Variants in ATP9A observed in about 807,000 individuals in gnomAD.
ATP9A encodes probable phospholipid-transporting ATPase IIA.
ATP9A carries 52 observed loss-of-function variants against 144.1 expected under a neutral mutation model. That is an observed-to-expected ratio of 0.36 (90% CI 0.29 to 0.45). The LOEUF is 0.45. Among genes scored for constraint, ATP9A ranks in the 20% least tolerant of loss-of-function variants. ATP9A has a pLI of 1.00. For synonymous variants in ATP9A, 582 were observed against 557.4 expected, an observed-to-expected ratio of 1.04 and a Z score of -0.62; for missense variants, 947 against 1,392.7, an observed-to-expected ratio of 0.68 and a Z score of 5.09.
rs1014272312 is a variant in ATP9A at position 51,598,244 on chromosome 20, C to G, written c.*2967G>C. 1 of 152,006 alleles carries G rather than the reference C, an allele frequency of 6.6e-6. No individual in the cohort carries two copies. Among genetic ancestry groups the G allele is most frequent in the African/African-American group, 2.4e-5 (1 of 41,386 alleles). The allele number at this position is 152,006 out of a possible 1,614,324, so 9.4% of individuals were successfully genotyped here. A position where few individuals can be genotyped will look rare whatever the true frequency, so the allele number is the denominator to read the frequency against. On this transcript the variant is annotated 3_prime_UTR_variant, in exon 28 of 28. Transcript: ENST00000338821. The stretch of plus-strand genomic sequence containing the variant: ...AAGAAACCAAATAGATCCTGCTTCC[C>G]CCTGTCACACAACCATCATCAAAAG...
At chr20:51,671,402 ACT>A in intron 11 of ATP9A, 145 bp from the exon 12 acceptor site, 1 of 867,816 alleles carries the variant, frequency 1.2e-6, no homozygotes, top group Non-Finnish European at 1.7e-6. Flanking sequence ...GAACGCACAG[ACT>A]CAGCAAGAGC....
At chr20:51,701,251 T>C (rs1460224615) in intron 4 of ATP9A, among the ~76,000 whole-genome samples, 1 of 152,198 alleles carries the variant, frequency 6.6e-6, no homozygotes, top group Non-Finnish European at 1.5e-5. Context: ...TAATTGCCTA[T>C]GTATATGTGT....
At chr20:51,709,491 C>A (rs1019538694) in intron 4 of ATP9A, among the ~76,000 whole-genome samples, 1 of 151,820 alleles carries the variant, frequency 6.6e-6, no homozygotes, top group East Asian at 1.9e-4. Flanking sequence ...TTCCAGCCTG[C>A]GCGAGGGGGT....
intron 7 of ATP9A, among the ~76,000 whole-genome samples, chr20:51,692,521 C>G (rs2077552853): frequency 6.6e-6 from 1 of 152,082 alleles, no homozygotes; most frequent in Admixed American, 6.6e-5. Context: ...TGGAGAGCCC[C>G]TGGGAGGTGG....
At position 51,601,084 on chromosome 20, in the gene ATP9A, T is replaced by G; in HGVS notation, c.*127A>C. 8.2e-7 allele frequency: 1 copy of G among 1,215,236 alleles called. No individual in the cohort carries two copies. The highest frequency in any genetic ancestry group is 1.8e-5 in the South Asian group (1 of 56,610). 75.3% of individuals were successfully genotyped at this position (1,215,236 alleles called of 1,614,324 possible). ...GACTCCGTTTAGGCGCAGAGCCACT[T>G]CCCATTAAAACTGCATGTGTTAGCA... On this transcript the variant is annotated 3_prime_UTR_variant, in exon 28 of 28. Transcript: ENST00000338821.
intron 4 of ATP9A, among the ~76,000 whole-genome samples, chr20:51,700,808 C>T (rs1452583455): frequency 6.6e-6 from 1 of 152,112 alleles, no homozygotes; most frequent in African/African-American, 2.4e-5. Flanking sequence ...CCAACCTGGG[C>T]AACAAGAGCG....
chr20:51,681,669 G>A (rs2077500342), intron 9 of ATP9A, among the ~76,000 whole-genome samples: 1 of 152,030 alleles, frequency 6.6e-6, no homozygotes, highest in Admixed American at 6.6e-5. Context: ...TGATCCACTC[G>A]CCTCAGCCTC....
intron 13 of ATP9A, among the ~76,000 whole-genome samples, chr20:51,669,065 A>C (rs565097109): frequency 1.1e-3 from 174 of 152,314 alleles, no homozygotes; most frequent in African/African-American, 3.9e-3. Flanking sequence ...TGTTATCTCC[A>C]AACAAGTGCT....
At chr20:51,638,121 A>ATATATCTATCTATCTATC (rs2077302889) in intron 15 of ATP9A, among the ~76,000 whole-genome samples, 1 of 103,004 alleles carries the variant, frequency 9.7e-6, no homozygotes, top group African/African-American at 4.1e-5. Flanking sequence ...ATATATATAT[A>ATATATCTATCTATCTATC]TATCTCATAG....
intron 1 of ATP9A, among the ~76,000 whole-genome samples, chr20:51,730,245 G>C (rs1358486555): frequency 6.6e-6 from 1 of 152,176 alleles, no homozygotes; most frequent in African/African-American, 2.4e-5. Flanking sequence ...GAGGTGGGCA[G>C]ACCACAAGGT....
intron 8 of ATP9A, among the ~76,000 whole-genome samples, chr20:51,689,578 C>T (rs2077538169): frequency 6.6e-6 from 1 of 150,776 alleles, no homozygotes; most frequent in African/African-American, 2.4e-5. Context: ...CGCTCTGCCA[C>T]CCAGGCTGGA....
chr20:51,609,572 T>G (rs2077177247), intron 24 of ATP9A, among the ~76,000 whole-genome samples: 1 of 151,890 alleles, frequency 6.6e-6, no homozygotes, highest in African/African-American at 2.4e-5. Flanking sequence ...GTAATGGGGG[T>G]GGGTTTGCAG....
intron 15 of ATP9A, among the ~76,000 whole-genome samples, chr20:51,635,274 C>A (rs1347858707): frequency 6.7e-6 from 1 of 148,702 alleles, no homozygotes; most frequent in Non-Finnish European, 1.5e-5. Flanking sequence ...TCCAACAACC[C>A]ACCCAGAGCC....
intron 15 of ATP9A, among the ~76,000 whole-genome samples, chr20:51,630,559 G>A (rs2077266092): frequency 6.6e-6 from 1 of 152,032 alleles, no homozygotes. Flanking sequence ...AAAATTAGCT[G>A]GGCGTGGTGG....
intron 1 of ATP9A, among the ~76,000 whole-genome samples, chr20:51,735,478 T>C (rs114662954): frequency 1.4e-3 from 211 of 152,350 alleles, no homozygotes; most frequent in African/African-American, 4.9e-3. Context: ...GGACTAAATG[T>C]TTCTGCAGCT....
At chr20:51,726,074 G>C in intron 2 of ATP9A, 142 bp from the exon 3 acceptor site, 1 of 622,826 alleles carries the variant, frequency 1.6e-6, no homozygotes, top group Non-Finnish European at 2.9e-6. Flanking sequence ...AGAACTTTGG[G>C]AGGCCGAGGC....
intron 14 of ATP9A, among the ~76,000 whole-genome samples, chr20:51,644,838 G>A (rs1226346055): frequency 6.6e-6 from 1 of 151,960 alleles, no homozygotes; most frequent in Non-Finnish European, 1.5e-5. Context: ...TACTTTGCCT[G>A]TTAATTGCCC....
At chr20:51,668,129 T>TGGGGGGGGGGGGGGGGG (rs2077441241) in intron 13 of ATP9A, among the ~76,000 whole-genome samples, 1 of 700 alleles carries the variant, frequency 1.4e-3, no homozygotes. Flanking sequence ...GGCGAGGGGC[T>TGGGGGGGGGGGGGGGGG]GGGGGAGGGG....
At chr20:51,718,902 G>A (rs1020230101) in intron 3 of ATP9A, among the ~76,000 whole-genome samples, 12 of 149,148 alleles carry the variant, frequency 8.0e-5, no homozygotes, top group African/African-American at 3.0e-4. Context: ...GGCCAAGGCA[G>A]GTGGATCACG....
Sources: allele counts gnomAD v4.1 joint callset (sites outside exome capture counted in the v4.1 genomes callset), GRCh38; gene constraint gnomAD v4.1.1; transcripts MANE v1.5; gene names NCBI Gene and HGNC (gene_info 2026-07-23, HGNC 2026-07-21).